Variants in HMCN2 observed in about 807,000 individuals in gnomAD.
HMCN2 encodes hemicentin-2.
In HMCN2, 325 loss-of-function variants were observed where a neutral mutation model predicts 377.5. The observed-to-expected ratio is 0.86, with a 90% confidence interval of 0.79 to 0.94. The LOEUF is 0.94. Ranked by LOEUF, HMCN2 falls within the 40% of genes least tolerant of loss-of-function variation. HMCN2 has a pLI of 0.00. For missense variants in HMCN2, 4,543 were observed against 4,725.3 expected (o/e 0.96, Z 1.13); for synonymous variants, 2,007 against 2,046.8 (o/e 0.98, Z 0.53).
intron 1 of HMCN2, among the ~76,000 whole-genome samples, chr9:130,272,218 TC>T (rs1554921352): frequency 1.8e-4 from 27 of 148,700 alleles, no homozygotes; most frequent in African/African-American, 6.3e-4. Flanking sequence ...AGCTTCTTCT[TC>T]TTTTTTAAAA....
At chr9:130,313,600 AC>A (rs878874680) in intron 15 of HMCN2, among the ~76,000 whole-genome samples, 3,440 of 148,434 alleles carry the variant, frequency 0.023, 114 homozygotes, top group African/African-American at 0.081. Flanking sequence ...GCATGTGGGC[AC>A]CCCCCCCCAT....
Position 130,302,890 on chromosome 9 carries a change from A to G in HMCN2, c.1310A>G (p.His437Arg), listed in dbSNP as rs782243497. ...CTCGTCAGCATGGCCCCCAGGATCC[A>G]TGGCTACCTGCACCAGCCCCTGCTG... ...APLVSMAPRIHGYLHQPLLVS... is the reference protein window; with the variant it reads ...APLVSMAPRIRGYLHQPLLVS... Residue 437 changes from histidine (H) to arginine (R), a missense_variant, in exon 9 of 98, where the codon CAT becomes CGT. Around this residue, in one of 5 missense-constraint regions of HMCN2, gnomAD observed 547 missense variants for 189.9 expected, o/e 2.88. Coordinates refer to ENST00000683500, the MANE Select transcript of HMCN2 (RefSeq NM_001291815.2). 10 of 470,026 alleles carry G rather than the reference A, an allele frequency of 2.1e-5. No individual in the cohort carries two copies. Among genetic ancestry groups the G allele is most frequent in the South Asian group, 1.4e-4 (9 of 64,462 alleles). 29.1% of individuals were successfully genotyped at this position (470,026 alleles called of 1,614,324 possible).
chr9:130,283,111 A>G (rs1336732635), intron 1 of HMCN2, among the ~76,000 whole-genome samples: 1 of 152,064 alleles, frequency 6.6e-6, no homozygotes, highest in African/African-American at 2.4e-5. Flanking sequence ...GGGTGCACTG[A>G]GGACTCAAAT....
At chr9:130,373,218 C>A in intron 48 of HMCN2, 94 bp downstream of exon 48, 2 of 268,334 alleles carry the variant, frequency 7.5e-6, no homozygotes, top group Non-Finnish European at 1.1e-5. Flanking sequence ...CCTGCCCCAG[C>A]CCCACTCCTC....
Position 130,266,062 on chromosome 9 carries a change from C to T in HMCN2, c.184C>T (p.Arg62Cys). The T allele has an allele frequency of 2.1e-6, 1 of 470,816 alleles. No homozygotes were observed. The highest frequency in any genetic ancestry group is 1.5e-5 in the South Asian group (1 of 64,572). The allele number at this position is 470,816 out of a possible 1,614,324, so 29.2% of individuals were successfully genotyped here. Residue 62 changes from arginine to cysteine, a missense_variant, in exon 1 of 98, where the codon CGC (arginine) becomes TGC (cysteine). Physicochemically the swap from Arg to Cys is radical, Grantham distance 180. Around this residue, in one of 5 missense-constraint regions of HMCN2, gnomAD observed 547 missense variants for 189.9 expected, o/e 2.88. Transcript: ENST00000683500. ...GATGCAGGTGATCGATGGCGCCTCG[C>T]GCATTCTGGAACGCAGTCTGAGCCG... ...ELMQVIDGAS[R>C]ILERSLSRRS... is the part of the protein sequence containing the mutation.
At chr9:130,313,683 C>T (rs1219662726) in intron 15 of HMCN2, among the ~76,000 whole-genome samples, 1 of 151,706 alleles carries the variant, frequency 6.6e-6, no homozygotes, top group Non-Finnish European at 1.5e-5. Flanking sequence ...TGGCTGGTTG[C>T]CTGACTGTGT....
rs985753041 is a variant in HMCN2, at chr9:130,311,878, G to A, written c.2350+1817G>A. Among the ~76,000 whole-genome samples the A allele has an allele frequency of 1.1e-3, 167 of 152,216 alleles. 1 individual carries two copies. Among genetic ancestry groups the A allele is most frequent in the African/African-American group, 3.8e-3 (157 of 41,550 alleles). Reference sequence around the variant, plus strand: ...GTGAGAGGTTTTCAGGAGGAGGGTCGTGTGCTCAGACTTTTCCACTGTGGC... The same window carrying A: ...GTGAGAGGTTTTCAGGAGGAGGGTCATGTGCTCAGACTTTTCCACTGTGGC... On this transcript the variant is annotated intron_variant, in intron 15 of 97. Transcript: ENST00000683500.
At chr9:130,274,311 C>T (rs1320036202) in intron 1 of HMCN2, among the ~76,000 whole-genome samples, 1 of 152,196 alleles carries the variant, frequency 6.6e-6, no homozygotes, top group African/African-American at 2.4e-5. Flanking sequence ...CCACCTCAGC[C>T]TCCCAAAGTA....
intron 56 of HMCN2, among the ~76,000 whole-genome samples, 191 bp from the exon 57 acceptor site, chr9:130,383,313 A>T (rs1727473784): frequency 1.3e-5 from 2 of 152,234 alleles, no homozygotes; most frequent in African/African-American, 4.8e-5. Context: ...GAACCACCCA[A>T]CACCAACCTC....
chr9:130,433,838 C>G lies in HMCN2; in HGVS notation c.*145C>G, dbSNP rs1485435911. ...AGCGAGACCTTGGGTCAACACGACC[C>G]TGCGCACAGCCTTGACCCCCGACAG... On this transcript the variant is annotated 3_prime_UTR_variant, in exon 98 of 98. Coordinates refer to ENST00000683500, the MANE Select transcript of HMCN2 (RefSeq NM_001291815.2). The G allele has an allele frequency of 2.9e-6, 2 of 683,436 alleles. No individual in the cohort carries two copies. Among genetic ancestry groups the G allele is most frequent in the Middle Eastern group, 6.4e-4 (2 of 3,146 alleles). The allele number at this position is 683,436 out of a possible 1,614,324, so 42.3% of individuals were successfully genotyped here.
In HMCN2 at chr9:130,313,480, A is replaced by G. The variant is rs1426295390; in HGVS notation, c.2350+3419A>G. Among the ~76,000 whole-genome samples, 4 of 152,286 alleles carry G rather than the reference A, an allele frequency of 2.6e-5. 1 individual carries two copies. Among genetic ancestry groups the G allele is most frequent in the African/African-American group, 9.6e-5 (4 of 41,566 alleles). Reference sequence around the variant, plus strand: ...TGCATTATTTGCCTCTCGGAGCCTCACTTTCCTCGTCTGTGAAACGAGGAG... The same window carrying G: ...TGCATTATTTGCCTCTCGGAGCCTCGCTTTCCTCGTCTGTGAAACGAGGAG... On this transcript the variant is annotated intron_variant, in intron 15 of 97. Transcript: ENST00000683500.
chr9:130,384,751 T>C lies in HMCN2; in HGVS notation c.9059T>C (p.Leu3020Pro). Reference protein sequence around the residue: ...SDSGMYTCEALNAAGRDQKLV... With the variant: ...SDSGMYTCEAPNAAGRDQKLV... ...TCCGGGATGTACACATGCGAAGCCC[T>C]CAATGCTGCCGGCCGAGACCAGAAG... Residue 3020 changes from leucine to proline, a missense_variant, in exon 59 of 98, where the codon CTC becomes CCC. Physicochemically the swap from Leu to Pro is moderately conservative, Grantham distance 98. Around this residue, in one of 5 missense-constraint regions of HMCN2, gnomAD observed 736 missense variants for 773.2 expected, o/e 0.95. Coordinates refer to ENST00000683500, the MANE Select transcript of HMCN2 (RefSeq NM_001291815.2). 7.7e-7 allele frequency: 1 copy of C among 1,303,214 alleles called. No homozygotes were observed. Among genetic ancestry groups the C allele is most frequent in the Non-Finnish European group, 1.0e-6 (1 of 988,942 alleles). The allele number at this position is 1,303,214 out of a possible 1,614,324, so 80.7% of individuals were successfully genotyped here.
At chr9:130,432,672 G>A in intron 97 of HMCN2, 117 bp downstream of exon 97, 8 of 1,177,480 alleles carry the variant, frequency 6.8e-6, no homozygotes, top group South Asian at 5.9e-5. Context: ...AGGCAGGAAC[G>A]CACGGAGCCC....
rs773225314 is a variant in HMCN2, at chr9:130,395,999, G to A, written c.10987G>A (p.Asp3663Asn). Residue 3663 changes from aspartate to asparagine, a missense_variant, in exon 72 of 98, where the codon GAC becomes AAC. Transcript: ENST00000683500. ...GGCCCTGAGCACGGCTGACAGCGGC[G>A]ACTACAGCTGCACAGCCCGCAACGC... The part of the protein sequence containing the change: ...LQALSTADSG[D>N]YSCTARNAAG... The A allele has an allele frequency of 2.5e-5, 32 of 1,287,478 alleles. No individual in the cohort carries two copies. The highest frequency in any genetic ancestry group is 1.7e-4 in the South Asian group (14 of 80,938). 79.8% of individuals were successfully genotyped at this position (1,287,478 alleles called of 1,614,324 possible).
At chr9:130,283,977 T>C (rs1316666403) in intron 1 of HMCN2, among the ~76,000 whole-genome samples, 1 of 152,196 alleles carries the variant, frequency 6.6e-6, no homozygotes, top group Non-Finnish European at 1.5e-5. Flanking sequence ...GTGTAACGTT[T>C]TAGAAACTTC....
At chr9:130,395,166 G>A (rs994960047) in intron 70 of HMCN2, 45 bp from the exon 71 acceptor site, 32 of 1,283,394 alleles carry the variant, frequency 2.5e-5, no homozygotes, top group Non-Finnish European at 3.1e-5. Flanking sequence ...CTCGCGGCAG[G>A]GGTGAGTCCC....
At position 130,303,165 on chromosome 9, in the gene HMCN2, A is replaced by G. The variant is rs1351187813; in HGVS notation, c.1421+164A>G. ...ACTTCCAGTGCAGCCAGGGATGGAG[A>G]GGAGTTTTTCCGAGACTCCCACCAC... On this transcript the variant is annotated intron_variant, in intron 9 of 97. Coordinates refer to ENST00000683500, the MANE Select transcript of HMCN2 (RefSeq NM_001291815.2). This position sits in a 1 kb window ranked among gnomAD's most constrained non-coding sequence, Gnocchi z 5.2. Among the ~76,000 whole-genome samples, 1 of 152,062 alleles carries G rather than the reference A, an allele frequency of 6.6e-6. No homozygotes were observed. Among genetic ancestry groups the G allele is most frequent in the African/African-American group, 2.4e-5 (1 of 41,400 alleles).
intron 46 of HMCN2, 75 bp from the exon 47 acceptor site, chr9:130,372,218 TG>T: frequency 2.5e-6 from 1 of 399,386 alleles, no homozygotes; most frequent in Non-Finnish European, 3.4e-6. Flanking sequence ...CTTTTCCTGC[TG>T]GGCAGCAGGG....
chr9:130,379,439 G>T lies in HMCN2; in HGVS notation c.8403G>T (p.Ser2801=). The change falls in exon 54 of 98, where the codon TCG becomes TCT. Residue 2801 remains serine, a synonymous_variant. Coordinates refer to ENST00000683500, the MANE Select transcript of HMCN2 (RefSeq NM_001291815.2). ...LTWYREDQPL[S]AGDEVSVLQG... is the part of the protein sequence containing the mutation. ...GGTACAGAGAGGATCAGCCCCTCTCGGCCGGGGATGAGGTGTCTGTGCTGC... is the reference window on the plus strand; with the variant it reads ...GGTACAGAGAGGATCAGCCCCTCTCTGCCGGGGATGAGGTGTCTGTGCTGC... 1 of 985,828 alleles carries T rather than the reference G, an allele frequency of 1.0e-6. No homozygotes were observed. The highest frequency in any genetic ancestry group is 1.2e-6 in the Non-Finnish European group (1 of 829,944). 61.1% of individuals were successfully genotyped at this position (985,828 alleles called of 1,614,324 possible). A position where few individuals can be genotyped will look rare whatever the true frequency, so the allele number is the denominator to read the frequency against.
Sources: gnomAD v4.1 joint callset for allele counts (sites outside exome capture counted in the v4.1 genomes callset) on GRCh38, gnomAD v4.1.1 for gene constraint, gnomAD v4.1.1 regional missense constraint, Gnocchi (gnomAD v3.1) non-coding constraint, MANE v1.5 for transcripts, NCBI Gene and HGNC (gene_info 2026-07-23, HGNC 2026-07-21) for gene names.